Variants in PCDHGA4 observed in about 807,000 individuals in gnomAD.
PCDHGA4 encodes the protein protocadherin gamma subfamily A, 4, also known as protocadherin gamma-A4.
PCDHGA4 carries 38 observed loss-of-function variants against 54.6 expected under a neutral mutation model. That is an observed-to-expected ratio of 0.70 (90% confidence interval 0.54 to 0.91). The LOEUF is 0.91. Ranked by LOEUF, PCDHGA4 falls within the 40% of genes least tolerant of loss-of-function variation. The pLI is 0.00. For missense variants in PCDHGA4, 1,298 were observed against 1,220.9 expected, an observed-to-expected ratio of 1.06 and a Z score of -0.94; for synonymous variants, 511 against 512.9, an observed-to-expected ratio of 1.00 and a Z score of 0.05.
rs936869534 is a variant in PCDHGA4, at chr5:141,371,001, G to T, written c.2514+13380G>T. The T allele has an allele frequency of 1.9e-6, 3 of 1,613,852 alleles. No homozygotes were observed. In the African/African-American group the frequency reaches 4.0e-5, roughly 22 times the overall value. ...AGTACTGAAAGCACCCCTGGACAGG[G>T]AAGAGCAGCCACATCACCACCTGGT... On this transcript the variant is annotated intron_variant, in intron 1 of 3. Coordinates refer to ENST00000571252, the MANE Select transcript of PCDHGA4 (RefSeq NM_018917.4).
chr5:141,409,552 A>G, intron 1 of PCDHGA4: 8 of 1,613,962 alleles, frequency 5.0e-6, no homozygotes, highest in Non-Finnish European at 6.8e-6. Flanking sequence ...ACAACGCCCC[A>G]GTTTTCGACC....
rs201006002 is a variant in PCDHGA4, at chr5:141,432,497, C to G, written c.2515-62310C>G. Reference sequence around the variant, plus strand: ...TTCCACTGGCGTGGAGCTGGCTCCCCGCTCCGCAGAGCCCGGCTACCTGGT... The same window carrying G: ...TTCCACTGGCGTGGAGCTGGCTCCCGGCTCCGCAGAGCCCGGCTACCTGGT... On this transcript the variant is annotated intron_variant, in intron 1 of 3. Transcript: ENST00000571252. This position sits in a 1 kb window ranked among gnomAD's most constrained non-coding sequence, Gnocchi z 6.0. The G allele has an allele frequency of 1.1e-5, 18 of 1,614,182 alleles. No homozygotes were observed. In the East Asian group the frequency reaches 4.0e-4, roughly 36 times the overall value.
chr5:141,478,026 C>T (rs1192406949), intron 1 of PCDHGA4: 2 of 1,614,062 alleles, frequency 1.2e-6, no homozygotes, highest in East Asian at 2.2e-5. Flanking sequence ...GTCCAAGACA[C>T]AGATTCACCC....
intron 1 of PCDHGA4, chr5:141,412,017 A>C (rs914087284): frequency 1.4e-5 from 2 of 146,532 alleles, no homozygotes; most frequent in African/African-American, 5.3e-5. Context: ...ACTTCTGAAC[A>C]TCCTGTTCTC....
At chr5:141,399,847 G>T (rs746731144) in intron 1 of PCDHGA4, 19 of 1,612,874 alleles carry the variant, frequency 1.2e-5, no homozygotes, top group Middle Eastern at 1.7e-4. Flanking sequence ...CTTCGATATG[G>T]TGCCGCGCGC....
intron 1 of PCDHGA4, among the ~76,000 whole-genome samples, chr5:141,443,592 G>A (rs2098395439): frequency 6.6e-6 from 1 of 152,076 alleles, no homozygotes; most frequent in Admixed American, 6.6e-5. Context: ...AACAGAATGT[G>A]GTATATGAAA....
Position 141,491,197 on chromosome 5 carries a change from G to A in PCDHGA4, c.2515-3610G>A. Reference sequence around the variant, plus strand: ...GGTGGTCCTGGTGAGGGACAATGGTGACCCTTCACTCTCCTCCACAGCCAC... The same window carrying A: ...GGTGGTCCTGGTGAGGGACAATGGTAACCCTTCACTCTCCTCCACAGCCAC... On this transcript the variant is annotated intron_variant, in intron 1 of 3. Coordinates refer to ENST00000571252, the MANE Select transcript of PCDHGA4 (RefSeq NM_018917.4). The surrounding 1 kb of genome is among the most constrained non-coding windows in gnomAD (Gnocchi z 6.9). 6.2e-7 allele frequency: 1 copy of A among 1,614,190 alleles called. No individual in the cohort carries two copies. The highest frequency in any genetic ancestry group is 8.5e-7 in the Non-Finnish European group (1 of 1,180,024).
intron 1 of PCDHGA4, among the ~76,000 whole-genome samples, chr5:141,382,367 C>T (rs778668401): frequency 8.6e-5 from 13 of 151,894 alleles, no homozygotes; most frequent in African/African-American, 3.1e-4. Flanking sequence ...TAAAATTTAC[C>T]TTTTTGCCTT....
At chr5:141,410,765 T>C (rs1238144239) in intron 1 of PCDHGA4, 1 of 1,066,570 alleles carries the variant, frequency 9.4e-7, no homozygotes, top group Non-Finnish European at 1.3e-6. Flanking sequence ...TTTTCAATTA[T>C]AGTTTTCACT....
At chr5:141,447,657 C>A (rs997179275) in intron 1 of PCDHGA4, among the ~76,000 whole-genome samples, 4 of 152,088 alleles carry the variant, frequency 2.6e-5, no homozygotes, top group Non-Finnish European at 4.4e-5. Context: ...TTTTCCCCCC[C>A]AGGAAGTTAG....
chr5:141,378,924 G>A (rs1426450881), intron 1 of PCDHGA4: 5 of 152,202 alleles, frequency 3.3e-5, no homozygotes, highest in African/African-American at 1.2e-4. Flanking sequence ...TCAAAAGTAA[G>A]TTGATGGCCC....
At chr5:141,507,807 A>AACGG (rs1465406594) in intron 3 of PCDHGA4, among the ~76,000 whole-genome samples, 2 of 152,152 alleles carry the variant, frequency 1.3e-5, no homozygotes, top group East Asian at 3.9e-4. Flanking sequence ...CGCCCTGGGG[A>AACGG]ACGGACCCTG....
chr5:141,368,141 G>T (rs1204786185), intron 1 of PCDHGA4, among the ~76,000 whole-genome samples: 1 of 151,994 alleles, frequency 6.6e-6, no homozygotes, highest in Non-Finnish European at 1.5e-5. Flanking sequence ...TTCAAATTTT[G>T]TACTTTTAAA....
At chr5:141,504,502 G>A (rs2099838821) in intron 2 of PCDHGA4, among the ~76,000 whole-genome samples, 1 of 152,128 alleles carries the variant, frequency 6.6e-6, no homozygotes, top group Non-Finnish European at 1.5e-5. Context: ...CCCAGTCTGA[G>A]TGGATCTCCT....
Position 141,490,398 on chromosome 5 carries a change from C to A in PCDHGA4, c.2515-4409C>A. 1 of 1,614,168 alleles carries A rather than the reference C, an allele frequency of 6.2e-7. No homozygotes were observed. Among genetic ancestry groups the A allele is most frequent in the South Asian group, 1.1e-5 (1 of 91,088 alleles). On this transcript the variant is annotated intron_variant, in intron 1 of 3. Coordinates refer to ENST00000571252, the MANE Select transcript of PCDHGA4 (RefSeq NM_018917.4). This position sits in a 1 kb window ranked among gnomAD's most constrained non-coding sequence, Gnocchi z 5.4. ...ACTCAGGTAGAAATGGTGAAGTGAG[C>A]CTTGATATCTCTCCGGACCTGCCAT...
intron 1 of PCDHGA4, chr5:141,441,637 C>T (rs1200679247): frequency 4.4e-6 from 1 of 228,574 alleles, no homozygotes; most frequent in South Asian, 4.8e-5. Context: ...GAGCCACAGG[C>T]GCTGTGATTC....
intron 1 of PCDHGA4, chr5:141,415,071 G>T: frequency 6.2e-7 from 1 of 1,613,422 alleles, no homozygotes; most frequent in East Asian, 2.2e-5. Flanking sequence ...AGGTGCGCAC[G>T]GCGCGAGCCC....
At chr5:141,413,390 C>T (rs1373497766) in intron 1 of PCDHGA4, 1 of 1,614,010 alleles carries the variant, frequency 6.2e-7, no homozygotes, top group African/African-American at 1.3e-5. Context: ...CGCATAGTCT[C>T]CAGAGGTAGG....
intron 1 of PCDHGA4, chr5:141,372,737 A>G (rs1451601916): frequency 6.2e-7 from 1 of 1,613,388 alleles, no homozygotes; most frequent in African/African-American, 1.3e-5. Context: ...AAGATCTTCT[A>G]TGTGATGAAG....
Sources: gnomAD v4.1 joint callset for allele counts (sites outside exome capture counted in the v4.1 genomes callset) on GRCh38, gnomAD v4.1.1 for gene constraint, Gnocchi (gnomAD v3.1) non-coding constraint, MANE v1.5 for transcripts, NCBI Gene and HGNC (gene_info 2026-07-23, HGNC 2026-07-21) for gene names.